Variants in PRRC2B observed in about 807,000 individuals in gnomAD.
PRRC2B encodes proline rich coiled-coil 2B, also known as protein PRRC2B.
In PRRC2B, 68 loss-of-function variants were observed where a neutral mutation model predicts 242.3. That is an observed-to-expected ratio of 0.28 (90% CI 0.23 to 0.34). The LOEUF (loss-of-function observed/expected upper bound fraction) is 0.34. Among genes scored for constraint, PRRC2B ranks in the 10% least tolerant of loss-of-function variants. The pLI is 1.00. For synonymous variants in PRRC2B, 1,228 were observed against 1,173.6 expected (o/e 1.05, Z -0.95); for missense variants, 2,835 against 2,954.8 (o/e 0.96, Z 0.94).
At chr9:131,390,023 C>T (rs907431279), upstream of PRRC2B, among the ~76,000 whole-genome samples, 3 of 143,234 alleles carry the variant, frequency 2.1e-5, 1 homozygote, top group Non-Finnish European at 4.5e-5. Flanking sequence ...TGGGTTCAAG[C>T]GATTCTCCTG....
Position 131,475,422 on chromosome 9 carries a change from G to A in PRRC2B, c.3293G>A (p.Ser1098Asn). 6.3e-7 allele frequency: 1 copy of A among 1,577,226 alleles called. No homozygotes were observed. The highest frequency in any genetic ancestry group is 1.2e-5 in the South Asian group (1 of 86,768). The change falls in exon 16 of 32, where the codon AGC (serine) becomes AAC (asparagine). Residue 1098 changes from serine to asparagine, a missense_variant. Physicochemically the swap from Ser to Asn is conservative, Grantham distance 46. Coordinates refer to ENST00000683519, the MANE Select transcript of PRRC2B (RefSeq NM_013318.4). Reference protein sequence around the residue: ...LCGGGVLGARSIYCSSQRSGR... With the variant: ...LCGGGVLGARNIYCSSQRSGR... ...GGTGGGGGGGTCCTGGGGGCCCGCA[G>A]CATCTACTGCAGCAGTCAGCGCAGC...
At chr9:131,470,397 G>T (rs1330481437) in intron 13 of PRRC2B, among the ~76,000 whole-genome samples, 1 of 152,166 alleles carries the variant, frequency 6.6e-6, no homozygotes, top group Non-Finnish European at 1.5e-5. Context: ...GCAGGGAAGG[G>T]ATGCTGGTGT....
chr9:131,492,316 C>T (rs913455317), intron 30 of PRRC2B, 56 bp downstream of exon 30: 32 of 1,409,882 alleles, frequency 2.3e-5, no homozygotes, highest in African/African-American at 1.1e-4. Flanking sequence ...GCCAGAGCTG[C>T]GGCCCAGTGA....
intron 1 of PRRC2B, among the ~76,000 whole-genome samples, chr9:131,388,044 T>G (rs1049981699): frequency 3.3e-5 from 5 of 149,870 alleles, no homozygotes; most frequent in African/African-American, 1.2e-4. Flanking sequence ...TACAAAAAGT[T>G]AGCTGGGTGC....
In PRRC2B at chr9:131,476,282, G is replaced by T; in HGVS notation, c.4153G>T (p.Glu1385Ter). Residue 1385 changes from glutamate to a stop codon, truncating the protein, a stop_gained, in exon 16 of 32, where the codon GAG (glutamate) becomes TAG (stop). Coordinates refer to ENST00000683519, the MANE Select transcript of PRRC2B (RefSeq NM_013318.4). LOFTEE classifies it high-confidence loss of function. ...ETASESSDFS[E>*]RRERREGPGS... is the part of the protein sequence containing the mutation. ...GGCCTCCGAAAGCAGCGACTTCAGC[G>T]AGCGGCGGGAGCGGCGGGAAGGCCC... The T allele has an allele frequency of 6.3e-7, 1 of 1,581,818 alleles. No homozygotes were observed. The highest frequency in any genetic ancestry group is 8.6e-7 in the Non-Finnish European group (1 of 1,164,688).
In PRRC2B at chr9:131,395,900, CA is replaced by C. The variant is rs534579655; in HGVS notation, c.-52+1640del. On this transcript the variant is annotated intron_variant, in intron 1 of 31. Transcript: ENST00000683519. ...TTAGAACAGTACGAGATGCTCAGGA[CA>C]AACAGACGCCCAAGGAGTCCTGCCT... Among the ~76,000 whole-genome samples, 1,090 of 152,292 alleles carry C rather than the reference CA, an allele frequency of 7.2e-3. 12 individuals are homozygous for C. Among genetic ancestry groups the C allele is most frequent in the African/African-American group, 0.025 (1,035 of 41,560 alleles).
intron 13 of PRRC2B, among the ~76,000 whole-genome samples, chr9:131,470,318 C>T (rs944949601): frequency 3.9e-5 from 6 of 151,916 alleles, no homozygotes; most frequent in African/African-American, 1.2e-4. Context: ...ACATATTGGG[C>T]GTGGGGTGTC....
chr9:131,375,244 T>TAAAAATTAGCC (rs1161435721), intron 1 of PRRC2B, among the ~76,000 whole-genome samples: 1 of 151,642 alleles, frequency 6.6e-6, no homozygotes, highest in East Asian at 1.9e-4. Context: ...CTACTAAAAA[T>TAAAAATTAGCC]AAAAATTAGC....
intron 1 of PRRC2B, among the ~76,000 whole-genome samples, chr9:131,420,686 C>T (rs569009655): frequency 2.6e-5 from 4 of 151,166 alleles, no homozygotes; most frequent in East Asian, 3.9e-4. Context: ...GTCAGGGTGT[C>T]GCCATGTTGG....
At chr9:131,483,547 C>T (rs1420408343) in intron 23 of PRRC2B, 102 bp downstream of exon 23, 8 of 1,029,708 alleles carry the variant, frequency 7.8e-6, no homozygotes, top group African/African-American at 4.7e-5. Flanking sequence ...TGGGCTGGCA[C>T]GTGACTCAGT....
intron 1 of PRRC2B, among the ~76,000 whole-genome samples, chr9:131,405,298 A>C (rs1564274950): frequency 6.6e-6 from 1 of 152,022 alleles, no homozygotes; most frequent in Non-Finnish European, 1.5e-5. Flanking sequence ...TCTAAGGTTG[A>C]TTTTCTGTAT....
At chr9:131,479,180 A>T (rs1943789232) in intron 18 of PRRC2B, 72 bp from the exon 19 acceptor site, 16 of 1,496,536 alleles carry the variant, frequency 1.1e-5, no homozygotes, top group Non-Finnish European at 1.4e-5. Flanking sequence ...GGTACCTGGG[A>T]TACTTATCCT....
At chr9:131,432,456 A>G (rs779727029) in intron 2 of PRRC2B, among the ~76,000 whole-genome samples, 161 bp from the exon 3 acceptor site, 1 of 152,226 alleles carries the variant, frequency 6.6e-6, no homozygotes, top group African/African-American at 2.4e-5. Context: ...CTAAAGTGAC[A>G]CCAAACACTT....
In PRRC2B at chr9:131,475,071, C is replaced by T. The variant is rs10751478; in HGVS notation, c.2942C>T (p.Pro981Leu). ...CTGGCCAAGGAGAAGGAGCAGAGCC[C>T]CACGGCAGAAAAGGATGAGGACGAA... ...TRLAKEKEQS[P>L]TAEKDEDEEN... The change falls in exon 16 of 32, where the codon CCC becomes CTC. Residue 981 changes from proline to leucine, a missense_variant. This residue lies in a region of PRRC2B where 1,536 missense variants were observed against 1,483.1 expected (regional missense o/e 1.04). Transcript: ENST00000683519. 0.8 allele frequency: 1,283,606 copies of T among 1,609,206 alleles called. 515,806 individuals are homozygous for T. The highest frequency in any genetic ancestry group is 0.92 in the East Asian group (41,152 of 44,706).
In PRRC2B at chr9:131,430,176, G is replaced by T; in HGVS notation, c.32G>T (p.Gly11Val). Residue 11 changes from glycine to valine, a missense_variant, in exon 2 of 32, where the codon GGC (glycine) becomes GTC (valine). Gly to Val is a moderately radical substitution (Grantham distance 109, BLOSUM62 -3). This residue lies in a region of PRRC2B where 626 missense variants were observed against 685.5 expected (regional missense o/e 0.91). Transcript: ENST00000683519. Reference protein sequence around the residue: MSDRLGQITKGKDGKSKYSTL... With the variant: MSDRLGQITKVKDGKSKYSTL... ...GATCGTTTGGGGCAAATTACCAAGG[G>T]CAAGGATGGGAAAAGCAAGTACTCG... 6.2e-7 allele frequency: 1 copy of T among 1,607,544 alleles called. No homozygotes were observed. Among genetic ancestry groups the T allele is most frequent in the East Asian group, 2.2e-5 (1 of 44,734 alleles).
chr9:131,481,255 G>A (rs1943854037), intron 19 of PRRC2B, among the ~76,000 whole-genome samples: 1 of 137,088 alleles, frequency 7.3e-6, no homozygotes, highest in South Asian at 2.3e-4. Flanking sequence ...GCTTGGCAGT[G>A]AGTGGAGATC....
chr9:131,475,360 T>C lies in PRRC2B; in HGVS notation c.3231T>C (p.Arg1077=). Residue 1077 remains arginine, a synonymous_variant, in exon 16 of 32, where the codon CGT becomes CGC. Coordinates refer to ENST00000683519, the MANE Select transcript of PRRC2B (RefSeq NM_013318.4). The part of the protein sequence containing the change: ...RGRGFREFTF[R]GRPAGGNGSG... ...GTGGTTTCAGAGAGTTCACTTTTCGTGGTCGGCCTGCTGGCGGAAATGGGA... is the reference window on the plus strand; with the variant it reads ...GTGGTTTCAGAGAGTTCACTTTTCGCGGTCGGCCTGCTGGCGGAAATGGGA... 6.3e-7 allele frequency: 1 copy of C among 1,585,312 alleles called. No homozygotes were observed. Among genetic ancestry groups the C allele is most frequent in the Non-Finnish European group, 8.6e-7 (1 of 1,166,650 alleles).
intron 1 of PRRC2B, among the ~76,000 whole-genome samples, chr9:131,406,310 A>G (rs983869436): frequency 6.6e-6 from 1 of 152,144 alleles, no homozygotes; most frequent in African/African-American, 2.4e-5. Flanking sequence ...ATCTCTCCAC[A>G]ATGAACACCA....
intron 1 of PRRC2B, among the ~76,000 whole-genome samples, chr9:131,374,314 A>G (rs1267371326): frequency 2.0e-5 from 3 of 151,932 alleles, no homozygotes; most frequent in Admixed American, 2.0e-4. Context: ...CTGTCTCAAA[A>G]TAAATAAATA....
Sources: gnomAD v4.1 joint callset for allele counts (sites outside exome capture counted in the v4.1 genomes callset) on GRCh38, gnomAD v4.1.1 for gene constraint, gnomAD v4.1.1 regional missense constraint, MANE v1.5 for transcripts, NCBI Gene and HGNC (gene_info 2026-07-23, HGNC 2026-07-21) for gene names.